Variants in LPP observed in about 807,000 individuals in gnomAD.
LPP encodes LIM domain containing preferred translocation partner in lipoma, also known as lipoma-preferred partner.
A neutral mutation model predicts 60.4 loss-of-function variants in LPP; 38 were observed. The ratio of observed to expected loss-of-function variants is 0.63; its 90% confidence interval spans 0.49 to 0.83. LPP has a LOEUF of 0.83. Ranked by LOEUF, LPP falls within the 40% of genes least tolerant of loss-of-function variation. The pLI is 0.00. For synonymous variants in LPP, 328 were observed against 290.8 expected (o/e 1.13, Z -1.30); for missense variants, 902 against 783.6 (o/e 1.15, Z -1.80).
intron 10 of LPP, among the ~76,000 whole-genome samples, chr3:188,872,071 C>T (rs4234608): frequency 0.96 from 146,183 of 152,320 alleles, 70,191 homozygotes; most frequent in East Asian, 1. Context: ...GACTTGGCCA[C>T]TTTTAAGTTT....
chr3:188,748,899 T>A (rs1318970389), intron 8 of LPP, among the ~76,000 whole-genome samples: 1 of 152,138 alleles, frequency 6.6e-6, no homozygotes, highest in Admixed American at 6.6e-5. Flanking sequence ...CCAGCTATGG[T>A]CAAACAGGGA....
At chr3:188,636,535 G>A (rs1330156941) in intron 7 of LPP, among the ~76,000 whole-genome samples, 4 of 152,174 alleles carry the variant, frequency 2.6e-5, no homozygotes, top group East Asian at 3.9e-4. Flanking sequence ...CAGGAAGCTC[G>A]AACTGGGGGG....
At chr3:188,193,260 A>G (rs963615465) in intron 1 of LPP, among the ~76,000 whole-genome samples, 2 of 152,178 alleles carry the variant, frequency 1.3e-5, no homozygotes, top group Non-Finnish European at 2.9e-5. Context: ...CAACCATTAC[A>G]ACAAGGAAAA....
intron 8 of LPP, among the ~76,000 whole-genome samples, chr3:188,718,158 A>G (rs1714846968): frequency 6.6e-6 from 1 of 152,218 alleles, no homozygotes; most frequent in Non-Finnish European, 1.5e-5. Flanking sequence ...TTGGAATCCC[A>G]GACTTAGAGT....
At chr3:188,574,875 C>T (rs1290637748) in intron 6 of LPP, among the ~76,000 whole-genome samples, 1 of 152,088 alleles carries the variant, frequency 6.6e-6, no homozygotes, top group Non-Finnish European at 1.5e-5. Flanking sequence ...CTTCAAACTG[C>T]TCACTTTTTT....
chr3:188,385,358 A>G (rs927484450), intron 3 of LPP, among the ~76,000 whole-genome samples: 5 of 152,070 alleles, frequency 3.3e-5, no homozygotes, highest in African/African-American at 9.7e-5. Flanking sequence ...GGGGGGTGTG[A>G]AGAGAGGGTT....
At chr3:188,660,644 CTGTGTGTG>C (rs1217077290) in intron 7 of LPP, among the ~76,000 whole-genome samples, 1 of 149,966 alleles carries the variant, frequency 6.7e-6, no homozygotes. Flanking sequence ...TTCCAAAGAT[CTGTGTGTG>C]TGTGTGTGTG....
intron 1 of LPP, among the ~76,000 whole-genome samples, chr3:188,188,244 A>G (rs1397125628): frequency 1.3e-5 from 2 of 152,152 alleles, no homozygotes; most frequent in Non-Finnish European, 1.5e-5. Context: ...CTTACTTAAG[A>G]TCCTCTTTTT....
rs147781730 is a variant in LPP, at chr3:188,262,073, C to T, written c.-67+36546C>T. ...GCACTGTGCTACATGCTGGGGTTGA[C>T]GAATGCATGGGATTCGGCTCTCTCC... On this transcript the variant is annotated intron_variant, in intron 2 of 11. Coordinates refer to ENST00000617246, the MANE Select transcript of LPP (RefSeq NM_001375462.1). Among the ~76,000 whole-genome samples, 831 of 152,252 alleles carry T rather than the reference C, an allele frequency of 5.5e-3. 6 individuals are homozygous for T. Among genetic ancestry groups the T allele is most frequent in the Non-Finnish European group, 6.8e-3 (462 of 68,028 alleles).
At chr3:188,448,164 TTA>T (rs1292568082) in intron 4 of LPP, among the ~76,000 whole-genome samples, 1 of 152,190 alleles carries the variant, frequency 6.6e-6, no homozygotes, top group Non-Finnish European at 1.5e-5. Context: ...ACTATTTGTG[TTA>T]TGTTGTAAAA....
chr3:188,607,747 A>G (rs1361882146), intron 6 of LPP, among the ~76,000 whole-genome samples: 1 of 152,116 alleles, frequency 6.6e-6, no homozygotes, highest in African/African-American at 2.4e-5. Context: ...GTCTGCCCCC[A>G]AAAACAGATA....
intron 3 of LPP, among the ~76,000 whole-genome samples, chr3:188,353,718 T>C (rs1012654197): frequency 6.6e-6 from 1 of 152,248 alleles, no homozygotes; most frequent in Non-Finnish European, 1.5e-5. Context: ...AAAAGAATTA[T>C]GGGGCCTCAG....
intron 2 of LPP, among the ~76,000 whole-genome samples, chr3:188,255,047 C>CA: frequency 6.6e-6 from 1 of 152,316 alleles, no homozygotes; most frequent in East Asian, 1.9e-4. Flanking sequence ...GGCTTCTTGA[C>CA]ATGCCTTGAT....
At chr3:188,724,216 C>T (rs1717527357) in intron 8 of LPP, among the ~76,000 whole-genome samples, 1 of 152,016 alleles carries the variant, frequency 6.6e-6, no homozygotes, top group Non-Finnish European at 1.5e-5. Context: ...AATAATTTTC[C>T]CGGAATCTAG....
intron 9 of LPP, among the ~76,000 whole-genome samples, chr3:188,761,932 A>C (rs1732490912): frequency 2.0e-5 from 3 of 152,208 alleles, no homozygotes; most frequent in Non-Finnish European, 4.4e-5. Flanking sequence ...TATTGCCACG[A>C]GCCCTAAGGT....
At chr3:188,425,003 G>A (rs971761585) in intron 4 of LPP, among the ~76,000 whole-genome samples, 1 of 152,178 alleles carries the variant, frequency 6.6e-6, no homozygotes, top group Non-Finnish European at 1.5e-5. Flanking sequence ...TGGTGAGAGA[G>A]GGCATCCTTG....
chr3:188,477,495 G>A (rs1269846619), intron 4 of LPP, among the ~76,000 whole-genome samples: 1 of 152,192 alleles, frequency 6.6e-6, no homozygotes, highest in Non-Finnish European at 1.5e-5. Flanking sequence ...CCAGTGCACT[G>A]TAAATAGGTT....
chr3:188,240,078 T>C (rs573672678), intron 2 of LPP: 3 of 196,948 alleles, frequency 1.5e-5, no homozygotes, highest in South Asian at 1.9e-4. Context: ...TGCTGTCCTG[T>C]AGTTCATGGA....
chr3:188,292,484 G>A (rs556992976), intron 2 of LPP, among the ~76,000 whole-genome samples: 2 of 152,236 alleles, frequency 1.3e-5, no homozygotes, highest in South Asian at 2.1e-4. Flanking sequence ...TGGACATGTC[G>A]TCAGAATATA....
Sources: allele counts gnomAD v4.1 joint callset (sites outside exome capture counted in the v4.1 genomes callset), GRCh38; gene constraint gnomAD v4.1.1; transcripts MANE v1.5; gene names NCBI Gene and HGNC (gene_info 2026-07-23, HGNC 2026-07-21).